The following SLC9A5 variants were observed in gnomAD, a reference collection of about 807,000 sequenced individuals.
SLC9A5 encodes sodium/hydrogen exchanger 5.
Under a neutral mutation model 91.7 loss-of-function variants are expected in SLC9A5, and 52 were observed. The observed-to-expected ratio is 0.57, with a 90% CI of 0.45 to 0.71. The LOEUF (loss-of-function observed/expected upper bound fraction) is 0.71, where lower values mean the gene tolerates loss of function less well. Among genes scored for constraint, SLC9A5 ranks in the 30% least tolerant of loss-of-function variants. The probability of loss-of-function intolerance (pLI) is 0.00; values close to 1 mark genes in which losing one functional copy is unlikely to be tolerated. For missense variants in SLC9A5, 871 were observed against 1,158.9 expected (o/e 0.75, Z 3.61); for synonymous variants, 419 against 474.5 (o/e 0.88, Z 1.52).
chr16:67,255,484 C>T lies in SLC9A5; in HGVS notation c.733+13C>T, dbSNP rs1286046518. ...CTGAAGGGAGTCGGTCAGTATTTCC[C>T]CGCTCCCAGCTGGCATTGGAGGTCT... is the stretch of plus-strand genomic sequence containing the variant. On this transcript the variant is annotated intron_variant, in intron 4 of 15. Transcript: ENST00000299798. The surrounding 1 kb of genome is among the most constrained non-coding windows in gnomAD (Gnocchi z 4.9). 1 of 1,613,636 alleles carries T rather than the reference C, an allele frequency of 6.2e-7. No individual in the cohort carries two copies. The highest frequency in any genetic ancestry group is 8.5e-7 in the Non-Finnish European group (1 of 1,179,632).
Position 67,258,361 on chromosome 16 carries a change from C to G in SLC9A5, c.1540C>G (p.Arg514Gly). ...GAAATACCTGAGTCAGCTGCTGATG[C>G]GACGATCAGCCTACCGCATCCGGGA... ...DKKYLSQLLMRRSAYRIRDQI... is the reference protein window; with the variant it reads ...DKKYLSQLLMGRSAYRIRDQI... The change falls in exon 10 of 16, where the codon CGA (arginine) becomes GGA (glycine). Residue 514 changes from arginine to glycine, a missense_variant. Arg to Gly is a moderately radical substitution (Grantham distance 125). Transcript: ENST00000299798. The surrounding 1 kb of genome is among the most constrained non-coding windows in gnomAD (Gnocchi z 4.5). 6.2e-7 allele frequency: 1 copy of G among 1,613,984 alleles called. No homozygotes were observed. Among genetic ancestry groups the G allele is most frequent in the Non-Finnish European group, 8.5e-7 (1 of 1,179,912 alleles).
chr16:67,260,006 G>A (rs11863499), intron 12 of SLC9A5, 60 bp downstream of exon 12: 2 of 1,573,504 alleles, frequency 1.3e-6, no homozygotes, highest in East Asian at 4.5e-5. Flanking sequence ...GAGAGCTTAA[G>A]AGGCAGTTGG....
chr16:67,255,257 A>G lies in SLC9A5; in HGVS notation c.654+73A>G. 6.4e-7 allele frequency: 1 copy of G among 1,557,260 alleles called. No individual in the cohort carries two copies. The highest frequency in any genetic ancestry group is 8.8e-7 in the Non-Finnish European group (1 of 1,140,126). Reference sequence around the variant, plus strand: ...TCTGACCAACTAGGGGTCTGCGCAGACTCAGTCCCTTCCCTTGGGTCCCCT... The same window carrying G: ...TCTGACCAACTAGGGGTCTGCGCAGGCTCAGTCCCTTCCCTTGGGTCCCCT... On this transcript the variant is annotated intron_variant, in intron 3 of 15. Coordinates refer to ENST00000299798, the MANE Select transcript of SLC9A5 (RefSeq NM_004594.3). This position sits in a 1 kb window ranked among gnomAD's most constrained non-coding sequence, Gnocchi z 4.9.
At chr16:67,266,909 C>CT (rs59587631) in intron 15 of SLC9A5, among the ~76,000 whole-genome samples, 4,295 of 77,844 alleles carry the variant, frequency 0.055, 113 homozygotes, top group Non-Finnish European at 0.089. Context: ...TTTTCTTTTT[C>CT]TTTTTTTTTT....
intron 15 of SLC9A5, among the ~76,000 whole-genome samples, chr16:67,268,031 C>G (rs1439614258): frequency 6.6e-6 from 1 of 151,412 alleles, no homozygotes; most frequent in Non-Finnish European, 1.5e-5. Context: ...TTTTTTCTTT[C>G]AAGATGGTCT....
In SLC9A5 at chr16:67,270,552, T is replaced by C. The variant is rs2035880541; in HGVS notation, c.2219-186T>C. On this transcript the variant is annotated intron_variant, in intron 15 of 15. Coordinates refer to ENST00000299798, the MANE Select transcript of SLC9A5 (RefSeq NM_004594.3). The surrounding 1 kb of genome is among the most constrained non-coding windows in gnomAD (Gnocchi z 4.3). Reference sequence around the variant, plus strand: ...AGCAACTACTGTGTGCCCGGCCCTGTGCTAGGTGTTGGGGATAGAGTGGAG... The same window carrying C: ...AGCAACTACTGTGTGCCCGGCCCTGCGCTAGGTGTTGGGGATAGAGTGGAG... 6.6e-6 allele frequency among the ~76,000 whole-genome samples: 1 copy of C among 152,192 alleles called. No homozygotes were observed. Among genetic ancestry groups the C allele is most frequent in the Non-Finnish European group, 1.5e-5 (1 of 68,038 alleles).
rs1478631084 is a variant in SLC9A5 at position 67,267,376 on chromosome 16, G to A, written c.2218+1151G>A. ...GCTGGGATTACAGGCATGAGCCACC[G>A]TGCTCAGCACCCAGCTGATTTTTAA... On this transcript the variant is annotated intron_variant, in intron 15 of 15. Transcript: ENST00000299798. Among the ~76,000 whole-genome samples, 6 of 151,966 alleles carry A rather than the reference G, an allele frequency of 3.9e-5. No individual in the cohort carries two copies. The South Asian group carries it at 8.3e-4, about 21-fold the overall frequency.
chr16:67,263,363 G>C (rs1380473086), intron 12 of SLC9A5: 2 of 152,244 alleles, frequency 1.3e-5, no homozygotes, highest in South Asian at 2.1e-4. Flanking sequence ...GGCAAGATAA[G>C]ATGATTTGGC....
rs745511053 is a variant in SLC9A5 at position 67,270,962 on chromosome 16, C to T, written c.2443C>T (p.Leu815=). ...PCNQAPILTC[L]PPHPRGTEEP... ...TAACCAGGCCCCAATTCTGACCTGC[C>T]TGCCTCCCCATCCACGGGGCACTGA... Residue 815 remains leucine (L), a synonymous_variant, in exon 16 of 16, where the codon CTG becomes TTG. Coordinates refer to ENST00000299798, the MANE Select transcript of SLC9A5 (RefSeq NM_004594.3). This position sits in a 1 kb window ranked among gnomAD's most constrained non-coding sequence, Gnocchi z 4.3. 9 of 1,614,168 alleles carry T rather than the reference C, an allele frequency of 5.6e-6. No individual in the cohort carries two copies. The highest frequency in any genetic ancestry group is 6.8e-6 in the Non-Finnish European group (8 of 1,180,010).
At chr16:67,264,988 T>G in intron 13 of SLC9A5, 52 bp from the exon 14 acceptor site, 1 of 1,564,458 alleles carries the variant, frequency 6.4e-7, no homozygotes, top group Admixed American at 1.7e-5. Flanking sequence ...GATGACAGGG[T>G]TGGGGTGGGA....
At position 67,257,131 on chromosome 16, in the gene SLC9A5, G is replaced by A; in HGVS notation, c.1335+18G>A. 2.5e-6 allele frequency: 4 copies of A among 1,600,006 alleles called. No individual in the cohort carries two copies. The highest frequency in any genetic ancestry group is 2.6e-6 in the Non-Finnish European group (3 of 1,174,904). On this transcript the variant is annotated intron_variant, in intron 7 of 15. Transcript: ENST00000299798. This position sits in a 1 kb window ranked among gnomAD's most constrained non-coding sequence, Gnocchi z 5.1. Reference sequence around the variant, plus strand: ...TCGTGCAGGTGGGAGTGCCCACAAGGCTGGGTAGGGAGAGGGTTGGGCAGG... The same window carrying A: ...TCGTGCAGGTGGGAGTGCCCACAAGACTGGGTAGGGAGAGGGTTGGGCAGG...
Position 67,270,719 on chromosome 16 carries a change from G to C in SLC9A5, c.2219-19G>C. The stretch of plus-strand genomic sequence containing the variant: ...TCCACTGTATTGGTAATGAGTTCAT[G>C]TGTACTCTCTGTCCCCAGGAAGCCT... On this transcript the variant is annotated intron_variant, in intron 15 of 15. Coordinates refer to ENST00000299798, the MANE Select transcript of SLC9A5 (RefSeq NM_004594.3). This position sits in a 1 kb window ranked among gnomAD's most constrained non-coding sequence, Gnocchi z 4.3. 1 of 1,529,104 alleles carries C rather than the reference G, an allele frequency of 6.5e-7. No homozygotes were observed. Among genetic ancestry groups the C allele is most frequent in the Non-Finnish European group, 8.9e-7 (1 of 1,120,142 alleles). The allele number at this position is 1,529,104 out of a possible 1,614,324, so 94.7% of individuals were successfully genotyped here.
chr16:67,271,166 A>G lies in SLC9A5; in HGVS notation c.2647A>G (p.Thr883Ala), dbSNP rs1269018258. The G allele has an allele frequency of 1.2e-6, 2 of 1,612,654 alleles. No homozygotes were observed. Among genetic ancestry groups the G allele is most frequent in the Non-Finnish European group, 1.7e-6 (2 of 1,180,000 alleles). Residue 883 changes from threonine to alanine, a missense_variant, in exon 16 of 16, where the codon ACC becomes GCC. This residue lies in a region of SLC9A5 where 295 missense variants were observed against 326.0 expected (regional missense o/e 0.90). Transcript: ENST00000299798. ...DHTHLSPGTA[T>A]SHWCIQFNRG... ...CACCCATCTCAGCCCAGGCACCGCTACCTCCCACTGGTGCATCCAGTTCAA... is the reference window on the plus strand; with the variant it reads ...CACCCATCTCAGCCCAGGCACCGCTGCCTCCCACTGGTGCATCCAGTTCAA...
intron 15 of SLC9A5, among the ~76,000 whole-genome samples, chr16:67,266,850 C>CTT (rs61525765): frequency 2.1e-3 from 244 of 118,940 alleles, no homozygotes; most frequent in Admixed American, 2.7e-3. Flanking sequence ...CTATTCTTTT[C>CTT]TTTTTTTTTT....
At position 67,258,339 on chromosome 16, in the gene SLC9A5, A is replaced by T; in HGVS notation, c.1518A>T (p.Lys506Asn). 6.2e-7 allele frequency: 1 copy of T among 1,614,086 alleles called. No individual in the cohort carries two copies. The highest frequency in any genetic ancestry group is 8.5e-7 in the Non-Finnish European group (1 of 1,180,038). The change falls in exon 10 of 16, where the codon AAA becomes AAT. Residue 506 changes from lysine to asparagine, a missense_variant. This residue lies in a region of SLC9A5 where 454 missense variants were observed against 718.3 expected (regional missense o/e 0.63). Coordinates refer to ENST00000299798, the MANE Select transcript of SLC9A5 (RefSeq NM_004594.3). This position sits in a 1 kb window ranked among gnomAD's most constrained non-coding sequence, Gnocchi z 4.5. The stretch of plus-strand genomic sequence containing the variant: ...GTAGGTGGGAGCAGTTTGACAAGAA[A>T]TACCTGAGTCAGCTGCTGATGCGAC... ...WRDRWEQFDK[K>N]YLSQLLMRRS...
intron 12 of SLC9A5, chr16:67,262,932 T>A (rs1338410079): frequency 2.0e-5 from 3 of 152,560 alleles, no homozygotes. Flanking sequence ...GTTGCATTTC[T>A]GGTTTTTAAG....
intron 1 of SLC9A5, among the ~76,000 whole-genome samples, chr16:67,251,403 CTTTTTTT>C (rs939453669): frequency 4.6e-5 from 3 of 64,806 alleles, no homozygotes; most frequent in South Asian, 4.8e-4. Context: ...AGTAGATTGT[CTTTTTTT>C]TTTTTTTTTT....
intron 15 of SLC9A5, among the ~76,000 whole-genome samples, chr16:67,267,467 C>T (rs1213486421): frequency 2.6e-5 from 4 of 152,136 alleles, no homozygotes; most frequent in Admixed American, 2.0e-4. Context: ...TGGCAGTCTT[C>T]CCTCCTTGGC....
At chr16:67,268,683 T>TATAC (rs1196592392) in intron 15 of SLC9A5, among the ~76,000 whole-genome samples, 1 of 70,062 alleles carries the variant, frequency 1.4e-5, no homozygotes, top group Admixed American at 1.3e-4. Flanking sequence ...TATATATATA[T>TATAC]ATATATATAT....
Sources: gnomAD v4.1 joint callset for allele counts (sites outside exome capture counted in the v4.1 genomes callset) on GRCh38, gnomAD v4.1.1 for gene constraint, gnomAD v4.1.1 regional missense constraint, Gnocchi (gnomAD v3.1) non-coding constraint, MANE v1.5 for transcripts, NCBI Gene and HGNC (gene_info 2026-07-23, HGNC 2026-07-21) for gene names.